GRID1: variants seen among roughly 807,000 people sequenced by gnomAD.
GRID1 encodes glutamate receptor ionotropic, delta-1.
A neutral mutation model predicts 98.0 loss-of-function variants in GRID1; 28 were observed. The observed-to-expected ratio is 0.29, with a 90% CI of 0.21 to 0.39. The LOEUF is 0.39. GRID1 is among the 10% of genes least tolerant of loss of function. The pLI is 1.00. For synonymous variants in GRID1, 553 were observed against 538.5 expected (o/e 1.03, Z -0.37); for missense variants, 1,111 against 1,340.5 (o/e 0.83, Z 2.67).
rs922360387 is a variant in GRID1, at chr10:86,199,023, A to T, written c.520+7341T>A. Among the ~76,000 whole-genome samples the T allele has an allele frequency of 3.3e-5, 5 of 152,288 alleles. No individual in the cohort carries two copies. The South Asian group carries it at 1.0e-3, about 32-fold the overall frequency. ...AAGCAGGAGGCAGAGAGGAATGGCG[A>T]TCCATGCTTACTTTTTTATTTACTC... On this transcript the variant is annotated intron_variant, in intron 3 of 15. Coordinates refer to ENST00000327946, the MANE Select transcript of GRID1 (RefSeq NM_017551.3).
At position 85,916,298 on chromosome 10, in the gene GRID1, G is replaced by A; in HGVS notation, c.727-59C>T. 1.1e-5 allele frequency: 13 copies of A among 1,179,032 alleles called. No individual in the cohort carries two copies. The highest frequency in any genetic ancestry group is 2.4e-5 in the South Asian group (2 of 81,968). 73.0% of individuals were successfully genotyped at this position (1,179,032 alleles called of 1,614,324 possible). On this transcript the variant is annotated intron_variant, in intron 4 of 15. Coordinates refer to ENST00000327946, the MANE Select transcript of GRID1 (RefSeq NM_017551.3). The surrounding 1 kb of genome is among the most constrained non-coding windows in gnomAD (Gnocchi z 4.0). ...GCAAGACAGAAGCTGGCAGACACAG[G>A]ATGATTGCCGAGACAGAGTTTTATA...
chr10:85,737,343 C>T (rs563453292), intron 8 of GRID1, among the ~76,000 whole-genome samples: 27 of 152,196 alleles, frequency 1.8e-4, no homozygotes, highest in African/African-American at 6.0e-4. Flanking sequence ...GGAAAAGATA[C>T]TTCCCAGTGG....
Position 86,107,175 on chromosome 10 carries a change from C to T in GRID1, c.726+31644G>A, listed in dbSNP as rs140112599. On this transcript the variant is annotated intron_variant, in intron 4 of 15. Coordinates refer to ENST00000327946, the MANE Select transcript of GRID1 (RefSeq NM_017551.3). The stretch of plus-strand genomic sequence containing the variant: ...CAGCTCACTGAGTATTAGCGCTTTG[C>T]CTTAGGTGGCACCACGGCACACCTG... Among the ~76,000 whole-genome samples, 435 of 152,338 alleles carry T rather than the reference C, an allele frequency of 2.9e-3. 4 individuals are homozygous for T. The highest frequency in any genetic ancestry group is 7.6e-3 in the Admixed American group (117 of 15,302).
intron 2 of GRID1, among the ~76,000 whole-genome samples, chr10:86,341,526 A>T (rs1239250074): frequency 6.6e-6 from 1 of 152,136 alleles, no homozygotes; most frequent in East Asian, 1.9e-4. Flanking sequence ...GCTCCCGGCC[A>T]CGGCTTTCCC....
intron 3 of GRID1, among the ~76,000 whole-genome samples, chr10:86,170,947 C>T (rs1363810348): frequency 1.3e-5 from 2 of 152,120 alleles, no homozygotes; most frequent in East Asian, 3.9e-4. Context: ...CTTCCTCCCC[C>T]AACTCATTAA....
At chr10:85,842,414 A>G (rs1842969335) in intron 8 of GRID1, among the ~76,000 whole-genome samples, 1 of 152,040 alleles carries the variant, frequency 6.6e-6, no homozygotes, top group African/African-American at 2.4e-5. Context: ...ACAAACCCCC[A>G]TGACACACAT....
At chr10:86,120,016 G>A (rs1844643170) in intron 4 of GRID1, among the ~76,000 whole-genome samples, 2 of 151,896 alleles carry the variant, frequency 1.3e-5, no homozygotes, top group Non-Finnish European at 1.5e-5. Flanking sequence ...TAGCAAGATG[G>A]TCTCGATCTC....
chr10:85,894,574 A>G (rs1346914668), intron 5 of GRID1, among the ~76,000 whole-genome samples: 4 of 152,218 alleles, frequency 2.6e-5, no homozygotes, highest in African/African-American at 9.6e-5. Context: ...TTACAAATGT[A>G]TATTTCAAAA....
chr10:85,907,977 T>C (rs1291950889), intron 5 of GRID1, among the ~76,000 whole-genome samples: 2 of 152,172 alleles, frequency 1.3e-5, no homozygotes, highest in Non-Finnish European at 2.9e-5. Context: ...ATAAAATCCA[T>C]TATCATTTCC....
At chr10:86,089,778 T>C (rs1035945734) in intron 4 of GRID1, among the ~76,000 whole-genome samples, 5 of 151,854 alleles carry the variant, frequency 3.3e-5, no homozygotes, top group Non-Finnish European at 5.9e-5. Context: ...CGGAGTCTCA[T>C]TCTTGTCACC....
chr10:85,942,473 C>T (rs1021194705), intron 4 of GRID1, among the ~76,000 whole-genome samples: 1 of 152,234 alleles, frequency 6.6e-6, no homozygotes, highest in African/African-American at 2.4e-5. Context: ...CTAAAGATCA[C>T]TTCACAGATA....
intron 4 of GRID1, among the ~76,000 whole-genome samples, chr10:85,997,533 T>C (rs1385549302): frequency 2.0e-5 from 3 of 152,192 alleles, no homozygotes; most frequent in Non-Finnish European, 4.4e-5. Context: ...AACGTAAGTA[T>C]GCATATTGTA....
At chr10:86,361,605 C>G (rs1192073480) in intron 2 of GRID1, among the ~76,000 whole-genome samples, 1 of 152,204 alleles carries the variant, frequency 6.6e-6, no homozygotes, top group Non-Finnish European at 1.5e-5. Context: ...GAACCTTTGT[C>G]CCCAGGACAA....
intron 3 of GRID1, among the ~76,000 whole-genome samples, chr10:86,189,248 T>G (rs2132007036): frequency 6.6e-6 from 1 of 152,282 alleles, no homozygotes; most frequent in East Asian, 1.9e-4. Flanking sequence ...ATGGAACCCC[T>G]GGCCTCCTAG....
chr10:86,010,958 T>G (rs1033843608), intron 4 of GRID1, among the ~76,000 whole-genome samples: 1 of 152,152 alleles, frequency 6.6e-6, no homozygotes, highest in Non-Finnish European at 1.5e-5. Context: ...GTCTTTGCCC[T>G]AAATTCTATA....
intron 4 of GRID1, among the ~76,000 whole-genome samples, chr10:85,977,797 G>T (rs2001415): frequency 5.3e-5 from 8 of 151,962 alleles, no homozygotes; most frequent in Admixed American, 6.5e-5. Flanking sequence ...AGACCTCCCC[G>T]CCGACCCAGT....
chr10:86,047,529 G>A lies in GRID1; in HGVS notation c.726+91290C>T, dbSNP rs546275346. On this transcript the variant is annotated intron_variant, in intron 4 of 15. Coordinates refer to ENST00000327946, the MANE Select transcript of GRID1 (RefSeq NM_017551.3). ...AATTAGTACTTTTGCGGGGAGCACC[G>A]CTACATTGCCCAGCCTAAACAGAGT... Among the ~76,000 whole-genome samples the A allele has an allele frequency of 3.3e-5, 5 of 152,280 alleles. No homozygotes were observed. The South Asian group carries it at 6.2e-4, about 19-fold the overall frequency.
chr10:85,741,661 C>A (rs1355438733), intron 8 of GRID1, among the ~76,000 whole-genome samples: 1 of 152,130 alleles, frequency 6.6e-6, no homozygotes, highest in Non-Finnish European at 1.5e-5. Context: ...TGCCAGGTTT[C>A]TCTTTTTCTT....
chr10:85,737,411 C>A (rs1019578116), intron 8 of GRID1, among the ~76,000 whole-genome samples: 1 of 151,824 alleles, frequency 6.6e-6, no homozygotes, highest in African/African-American at 2.4e-5. Context: ...GGCAAGAGAT[C>A]AGTCATAATG....
Sources: gnomAD v4.1 joint callset for allele counts (sites outside exome capture counted in the v4.1 genomes callset) on GRCh38, gnomAD v4.1.1 for gene constraint, Gnocchi (gnomAD v3.1) non-coding constraint, MANE v1.5 for transcripts, NCBI Gene and HGNC (gene_info 2026-07-23, HGNC 2026-07-21) for gene names.